EVL: variants seen among roughly 807,000 people sequenced by gnomAD.
The protein encoded by EVL is Enah/Vasp-like.
A neutral mutation model predicts 59.6 loss-of-function variants in EVL; 21 were observed. The ratio of observed to expected loss-of-function variants is 0.35; its 90% confidence interval spans 0.25 to 0.51. The LOEUF (loss-of-function observed/expected upper bound fraction) is 0.51, where lower values mean the gene tolerates loss of function less well. EVL is among the 20% of genes least tolerant of loss of function. The probability of loss-of-function intolerance (pLI) is 0.97; values close to 1 mark genes in which losing one functional copy is unlikely to be tolerated. For missense variants in EVL, 462 were observed against 546.6 expected, an observed-to-expected ratio of 0.85 and a Z score of 1.54; for synonymous variants, 198 against 203.5, an observed-to-expected ratio of 0.97 and a Z score of 0.23.
chr14:100,050,912 A>T (rs1021308198), intron 1 of EVL, among the ~76,000 whole-genome samples: 104 of 139,870 alleles, frequency 7.4e-4, no homozygotes, highest in South Asian at 1.4e-3. Context: ...CCAGCTAATT[A>T]AAAAAAAAAA....
At chr14:99,978,905 C>T (rs1246357546) in intron 1 of EVL, among the ~76,000 whole-genome samples, 1 of 152,180 alleles carries the variant, frequency 6.6e-6, no homozygotes, top group Non-Finnish European at 1.5e-5. Context: ...GTGAGCTAAA[C>T]ACTCGAGGCA....
chr14:100,071,831 C>T (rs2062054184), intron 1 of EVL, among the ~76,000 whole-genome samples: 1 of 152,166 alleles, frequency 6.6e-6, no homozygotes, highest in Non-Finnish European at 1.5e-5. Flanking sequence ...TGTCAGATTT[C>T]CTAGACTGTG....
At position 100,030,607 on chromosome 14, in the gene EVL, G is replaced by A. The variant is rs1019262391; in HGVS notation, c.6-54080G>A. Among the ~76,000 whole-genome samples, 5 of 152,302 alleles carry A rather than the reference G, an allele frequency of 3.3e-5. No individual in the cohort carries two copies. The East Asian group carries it at 9.6e-4, about 29-fold the overall frequency. The stretch of plus-strand genomic sequence containing the variant: ...CTCAGAATGCCAGAAATCAGTCCTT[G>A]GAAGATAATCATGTTTGCTACTGAA... On this transcript the variant is annotated intron_variant, in intron 1 of 13. Transcript: ENST00000402714.
intron 1 of EVL, among the ~76,000 whole-genome samples, chr14:100,076,011 T>C (rs2062153459): frequency 6.6e-6 from 1 of 152,214 alleles, no homozygotes; most frequent in African/African-American, 2.4e-5. Flanking sequence ...ATTAAATGAA[T>C]GGGAATGGGT....
At position 100,144,104 on chromosome 14, in the gene EVL, C is replaced by A; in HGVS notation, c.*366C>A. ...CGCCTCAGCTGGCGGTGACAGCCGGCCCAGCGTGGCGCCACCACACACCGC... is the reference window on the plus strand; with the variant it reads ...CGCCTCAGCTGGCGGTGACAGCCGGACCAGCGTGGCGCCACCACACACCGC... On this transcript the variant is annotated 3_prime_UTR_variant, in exon 14 of 14. Transcript: ENST00000392920. 3.1e-6 allele frequency: 1 copy of A among 327,150 alleles called. No homozygotes were observed. The highest frequency in any genetic ancestry group is 5.7e-6 in the Non-Finnish European group (1 of 174,706). 20.3% of individuals were successfully genotyped at this position (327,150 alleles called of 1,614,324 possible). A position where few individuals can be genotyped will look rare whatever the true frequency, so the allele number is the denominator to read the frequency against.
In EVL at chr14:100,143,843, C is replaced by T. The variant is rs1486153632; in HGVS notation, c.*105C>T. The T allele has an allele frequency of 1.5e-6, 2 of 1,368,146 alleles. No individual in the cohort carries two copies. The highest frequency in any genetic ancestry group is 2.5e-5 in the South Asian group (2 of 78,442). 84.8% of individuals were successfully genotyped at this position (1,368,146 alleles called of 1,614,324 possible). On this transcript the variant is annotated 3_prime_UTR_variant, in exon 14 of 14. Coordinates refer to ENST00000392920, the MANE Select transcript of EVL (RefSeq NM_016337.3). ...CAGTGCACCAGAGCACGCACAGGAG[C>T]CTGGGCGCGCTGCTGTGAAACGTCC...
intron 1 of EVL, among the ~76,000 whole-genome samples, chr14:100,012,675 A>G (rs960126016): frequency 4.6e-5 from 7 of 152,248 alleles, no homozygotes; most frequent in African/African-American, 1.7e-4. Context: ...AAGAATGGTA[A>G]GGATGAGGCA....
intron 1 of EVL, among the ~76,000 whole-genome samples, chr14:100,047,699 G>A (rs1002533194): frequency 2.8e-4 from 43 of 152,048 alleles, no homozygotes; most frequent in Admixed American, 1.0e-3. Context: ...CCTATATCAC[G>A]GAATAAACCA....
chr14:100,029,342 T>C (rs2061272109), intron 1 of EVL, among the ~76,000 whole-genome samples: 1 of 152,150 alleles, frequency 6.6e-6, no homozygotes, highest in African/African-American at 2.4e-5. Flanking sequence ...AGGCAATGGG[T>C]CATTTTGGAG....
At chr14:100,084,518 A>G (rs1484903957) in intron 1 of EVL, among the ~76,000 whole-genome samples, 169 bp from the exon 2 acceptor site, 1 of 152,296 alleles carries the variant, frequency 6.6e-6, no homozygotes, top group East Asian at 1.9e-4. Context: ...CTCCTTAGAG[A>G]ATGTAAGCTC....
intron 1 of EVL, among the ~76,000 whole-genome samples, chr14:100,078,995 A>T (rs891316571): frequency 2.0e-5 from 3 of 152,186 alleles, no homozygotes; most frequent in African/African-American, 2.4e-5. Flanking sequence ...CCTGCTTTCC[A>T]GGAAGGAGGA....
At chr14:100,131,731 C>T (rs1210949278) in intron 7 of EVL, among the ~76,000 whole-genome samples, 1 of 152,156 alleles carries the variant, frequency 6.6e-6, no homozygotes, top group African/African-American at 2.4e-5. Context: ...TAGGGGCATG[C>T]AGGAAGGTGT....
At chr14:100,067,321 A>G (rs1304535251) in intron 1 of EVL, among the ~76,000 whole-genome samples, 1 of 152,164 alleles carries the variant, frequency 6.6e-6, no homozygotes, top group Non-Finnish European at 1.5e-5. Flanking sequence ...GTGAAAATAT[A>G]TCTTACCAGC....
chr14:99,994,112 C>CTTTT (rs751533422), intron 1 of EVL, among the ~76,000 whole-genome samples: 4 of 55,158 alleles, frequency 7.3e-5, no homozygotes, highest in African/African-American at 1.8e-4. Flanking sequence ...AGCCTTTTGG[C>CTTTT]TTTTTTTTTT....
chr14:100,008,611 G>A (rs931646096), intron 1 of EVL, among the ~76,000 whole-genome samples: 2 of 152,150 alleles, frequency 1.3e-5, no homozygotes, highest in Non-Finnish European at 2.9e-5. Context: ...AGAAAGAGTT[G>A]AATGGCTTGA....
intron 2 of EVL, among the ~76,000 whole-genome samples, chr14:100,086,257 C>T (rs899282643): frequency 6.6e-6 from 1 of 152,174 alleles, no homozygotes; most frequent in Non-Finnish European, 1.5e-5. Flanking sequence ...CCTAAAATTC[C>T]AATTCACTAA....
intron 1 of EVL, among the ~76,000 whole-genome samples, chr14:100,047,505 A>T (rs531570027): frequency 6.6e-6 from 1 of 151,796 alleles, no homozygotes; most frequent in African/African-American, 2.4e-5. Context: ...CTCTCTTTCC[A>T]TTGCTCCGGG....
chr14:100,001,782 A>G (rs1170778360), intron 1 of EVL, among the ~76,000 whole-genome samples: 1 of 152,166 alleles, frequency 6.6e-6, no homozygotes, highest in African/African-American at 2.4e-5. Flanking sequence ...TAGACAAGGT[A>G]TGAGGCTAGT....
chr14:100,032,261 C>G (rs1310991687), intron 1 of EVL, among the ~76,000 whole-genome samples: 3 of 152,178 alleles, frequency 2.0e-5, no homozygotes, highest in Non-Finnish European at 2.9e-5. Context: ...CTTTTATTCT[C>G]CACCTTTTTG....
Sources: gnomAD v4.1 joint callset for allele counts (sites outside exome capture counted in the v4.1 genomes callset) on GRCh38, gnomAD v4.1.1 for gene constraint, MANE v1.5 for transcripts, NCBI Gene and HGNC (gene_info 2026-07-23, HGNC 2026-07-21) for gene names.